The following OPCML variants were observed in gnomAD, a reference collection of about 807,000 sequenced individuals.
The protein encoded by OPCML is opioid binding protein/cell adhesion molecule like.
Under a neutral mutation model 37.8 loss-of-function variants are expected in OPCML, and 13 were observed. That is an observed-to-expected ratio of 0.34 (90% CI 0.22 to 0.55). OPCML has a LOEUF of 0.55. OPCML is among the 20% of genes least tolerant of loss of function. The pLI, the probability that OPCML is intolerant of heterozygous loss-of-function variation, is 0.91. For synonymous variants in OPCML, 176 were observed against 168.8 expected (o/e 1.04, Z -0.33); for missense variants, 341 against 435.6 (o/e 0.78, Z 1.93).
chr11:133,167,148 T>C (rs927174659), intron 1 of OPCML, among the ~76,000 whole-genome samples: 3 of 152,186 alleles, frequency 2.0e-5, no homozygotes, highest in Admixed American at 6.5e-5. Flanking sequence ...TCAGAGTTGG[T>C]GGCCGGCGCT....
At chr11:132,502,437 G>A (rs2096247559) in intron 4 of OPCML, among the ~76,000 whole-genome samples, 1 of 152,134 alleles carries the variant, frequency 6.6e-6, no homozygotes, top group Non-Finnish European at 1.5e-5. Flanking sequence ...TTCTGTGTTT[G>A]CCTTTGTTGT....
In OPCML at chr11:132,672,465, A is replaced by C. The variant is rs192780820; in HGVS notation, c.147-15146T>G. ...CATCTCCCACCTTCATTAAGCACTG[A>C]AGTAGTTGTGGATCTTGGAAAGAAG... On this transcript the variant is annotated intron_variant, in intron 2 of 7. Transcript: ENST00000524381. Among the ~76,000 whole-genome samples the C allele has an allele frequency of 2.8e-3, 428 of 152,222 alleles. 3 individuals carry two copies. Among genetic ancestry groups the C allele is most frequent in the South Asian group, 5.0e-3 (24 of 4,822 alleles).
chr11:132,435,953 T>C (rs1471178834), intron 7 of OPCML, 133 bp downstream of exon 7: 1 of 752,264 alleles, frequency 1.3e-6, no homozygotes, highest in Admixed American at 3.2e-5. Context: ...GGGAGAAGTA[T>C]GTCTTATCTA....
At chr11:133,214,956 T>A (rs1939522146) in intron 1 of OPCML, among the ~76,000 whole-genome samples, 1 of 152,162 alleles carries the variant, frequency 6.6e-6, no homozygotes, top group Non-Finnish European at 1.5e-5. Context: ...AAATAGATAA[T>A]TACAGAAACT....
chr11:133,194,223 T>C (rs1938444170), intron 1 of OPCML, among the ~76,000 whole-genome samples: 1 of 149,562 alleles, frequency 6.7e-6, no homozygotes, highest in Admixed American at 6.7e-5. Context: ...TTTTTTTTTT[T>C]TTTGAGATGG....
chr11:132,650,858 C>A (rs528877282), intron 3 of OPCML, among the ~76,000 whole-genome samples: 32 of 152,240 alleles, frequency 2.1e-4, no homozygotes, highest in African/African-American at 7.2e-4. Context: ...CGGTTGAATA[C>A]ATTAAATTTA....
chr11:133,398,131 G>T (rs985676413), intron 1 of OPCML, among the ~76,000 whole-genome samples: 1 of 152,184 alleles, frequency 6.6e-6, no homozygotes, highest in African/African-American at 2.4e-5. Context: ...TGACCTGGGG[G>T]ATCGAACCTT....
chr11:132,914,228 C>T lies in OPCML; in HGVS notation c.146+28698G>A, dbSNP rs114568911. On this transcript the variant is annotated intron_variant, in intron 2 of 7. Coordinates refer to ENST00000524381, the MANE Select transcript of OPCML (RefSeq NM_001012393.5). ...GCAAAGAGAACTGCCTTGTGGCCCT[C>T]TGCTCCAGATCCACGACTGAGACTC... Among the ~76,000 whole-genome samples the T allele has an allele frequency of 7.9e-3, 1,209 of 152,334 alleles. 17 individuals carry two copies. Among genetic ancestry groups the T allele is most frequent in the African/African-American group, 0.028 (1,161 of 41,584 alleles).
intron 2 of OPCML, among the ~76,000 whole-genome samples, chr11:132,767,720 A>G (rs936605448): frequency 6.6e-6 from 1 of 152,146 alleles, no homozygotes; most frequent in African/African-American, 2.4e-5. Flanking sequence ...TAAAACCCTC[A>G]CAAACTGGTA....
intron 1 of OPCML, chr11:133,423,306 G>GAGGGATGCCCATTGTC: frequency 1.0e-6 from 1 of 985,388 alleles, no homozygotes; most frequent in Non-Finnish European, 1.2e-6. Context: ...ATGAAGTTCT[G>GAGGGATGCCCATTGTC]AGGGATTTCC....
chr11:133,343,223 G>T (rs2136675125), intron 1 of OPCML, among the ~76,000 whole-genome samples: 1 of 152,126 alleles, frequency 6.6e-6, no homozygotes, highest in South Asian at 2.1e-4. Flanking sequence ...GAGAGAAGTG[G>T]CATGCTCATG....
At chr11:132,588,137 G>T (rs117507626) in intron 3 of OPCML, among the ~76,000 whole-genome samples, 5 of 152,176 alleles carry the variant, frequency 3.3e-5, no homozygotes, top group African/African-American at 4.8e-5. Context: ...TGATCACCAG[G>T]ATCAGAATCC....
At chr11:133,242,681 C>T (rs1940774402) in intron 1 of OPCML, among the ~76,000 whole-genome samples, 1 of 152,168 alleles carries the variant, frequency 6.6e-6, no homozygotes, top group Non-Finnish European at 1.5e-5. Flanking sequence ...AATACTGTCA[C>T]ATTCTGAGGT....
rs141139932 is a variant in OPCML, at chr11:132,538,195, T to G, written c.380-9009A>C. On this transcript the variant is annotated intron_variant, in intron 3 of 7. Transcript: ENST00000524381. ...AAGAGATGAATGGATAAACAAAATG[T>G]GATACACCAATACAATGGAATATTA... Among the ~76,000 whole-genome samples, 319 of 152,174 alleles carry G rather than the reference T, an allele frequency of 2.1e-3. 1 individual carries two copies. The highest frequency in any genetic ancestry group is 7.1e-3 in the African/African-American group (294 of 41,538).
At chr11:133,154,250 A>G (rs940026812) in intron 1 of OPCML, among the ~76,000 whole-genome samples, 19 of 151,776 alleles carry the variant, frequency 1.3e-4, no homozygotes, top group African/African-American at 2.2e-4. Flanking sequence ...GGAAGTTGCC[A>G]TGAGCAGGCT....
intron 1 of OPCML, among the ~76,000 whole-genome samples, chr11:133,045,329 G>T (rs1317648364): frequency 1.3e-5 from 2 of 152,178 alleles, no homozygotes; most frequent in East Asian, 1.9e-4. Context: ...CTCCTCTATG[G>T]TCTTCGCTAG....
In OPCML at chr11:133,363,298, G is replaced by A. The variant is rs75969401; in HGVS notation, c.61+168966C>T. Among the ~76,000 whole-genome samples, 536 of 152,290 alleles carry A rather than the reference G, an allele frequency of 3.5e-3. 1 individual carries two copies. Among genetic ancestry groups the A allele is most frequent in the African/African-American group, 0.012 (503 of 41,554 alleles). ...TTCCTGGGCAGAACAGAACATGATC[G>A]TGGAAACGAGTCTTCGCCAAGGCAG... On this transcript the variant is annotated intron_variant, in intron 1 of 7. Transcript: ENST00000524381.
chr11:133,449,775 T>C (rs972850562), intron 1 of OPCML, among the ~76,000 whole-genome samples: 4 of 151,736 alleles, frequency 2.6e-5, no homozygotes, highest in African/African-American at 9.8e-5. Context: ...ATTAATTACA[T>C]GTGCAGAGTC....
At chr11:133,417,158 T>G (rs1221873849) in intron 1 of OPCML, among the ~76,000 whole-genome samples, 6 of 152,102 alleles carry the variant, frequency 3.9e-5, no homozygotes, top group Admixed American at 3.9e-4. Flanking sequence ...TAAGTAAACA[T>G]TAAGAGAGTG....
Sources: allele counts gnomAD v4.1 joint callset (sites outside exome capture counted in the v4.1 genomes callset), GRCh38; gene constraint gnomAD v4.1.1; transcripts MANE v1.5; gene names NCBI Gene and HGNC (gene_info 2026-07-23, HGNC 2026-07-21).